Variants in LHPP observed in about 807,000 individuals in gnomAD.
The protein encoded by LHPP is hLHPP.
Under a neutral mutation model 30.3 loss-of-function variants are expected in LHPP, and 24 were observed. The observed-to-expected ratio is 0.79, with a 90% CI of 0.57 to 1.11. The LOEUF (loss-of-function observed/expected upper bound fraction) is 1.11, where lower values mean the gene tolerates loss of function less well. LHPP is among the 50% of genes most tolerant of loss of function. The pLI is 0.00. For missense variants in LHPP, 356 were observed against 367.2 expected (o/e 0.97, Z 0.25); for synonymous variants, 150 against 157.1 (o/e 0.95, Z 0.34).
intron 2 of LHPP, among the ~76,000 whole-genome samples, chr10:124,487,110 C>G (rs1251942044): frequency 6.6e-6 from 1 of 152,244 alleles, no homozygotes; most frequent in African/African-American, 2.4e-5. Context: ...ATTGAGTGAA[C>G]AGACCACAGT....
intron 6 of LHPP, among the ~76,000 whole-genome samples, chr10:124,519,562 A>G (rs941079097): frequency 6.6e-6 from 1 of 152,148 alleles, no homozygotes; most frequent in Non-Finnish European, 1.5e-5. Flanking sequence ...CACTGTACCC[A>G]GTGTGTAGTC....
Position 124,550,102 on chromosome 10 carries a change from C to T in LHPP, c.716+32831C>T, listed in dbSNP as rs547434689. Among the ~76,000 whole-genome samples, 3 of 152,336 alleles carry T rather than the reference C, an allele frequency of 2.0e-5. No homozygotes were observed. In the East Asian group the frequency reaches 5.8e-4, roughly 29 times the overall value. ...GAACTAAGGGCCTCCGAGCCAGGCT[C>T]CTCGTTGCAAATGGACTTCTCTCCT... On this transcript the variant is annotated intron_variant, in intron 6 of 6. Coordinates refer to ENST00000368842, the MANE Select transcript of LHPP (RefSeq NM_022126.4).
chr10:124,530,640 A>G (rs2006831), intron 6 of LHPP, among the ~76,000 whole-genome samples: 151,079 of 152,242 alleles, frequency 0.99, 74,973 homozygotes, highest in Non-Finnish European at 1. Context: ...CAGATGCCGC[A>G]CCACCCCCAT....
At chr10:124,476,713 G>GA (rs1952959134) in intron 1 of LHPP, among the ~76,000 whole-genome samples, 1 of 152,118 alleles carries the variant, frequency 6.6e-6, no homozygotes, top group South Asian at 2.1e-4. Flanking sequence ...TTTTTCTATT[G>GA]AAAAAACAAC....
intron 5 of LHPP, among the ~76,000 whole-genome samples, chr10:124,504,530 G>A (rs1404431325): frequency 6.6e-6 from 1 of 151,232 alleles, no homozygotes; most frequent in East Asian, 1.9e-4. Context: ...GGCCCAGGAG[G>A]TTGAGGTTGC....
chr10:124,595,791 A>G (rs1030916022), intron 6 of LHPP, among the ~76,000 whole-genome samples: 3 of 152,216 alleles, frequency 2.0e-5, no homozygotes, highest in African/African-American at 7.2e-5. Context: ...ACACTTAAAA[A>G]TAAATAAATA....
intron 6 of LHPP, among the ~76,000 whole-genome samples, chr10:124,603,698 C>G (rs1949057106): frequency 6.6e-6 from 1 of 152,238 alleles, no homozygotes; most frequent in Non-Finnish European, 1.5e-5. Flanking sequence ...TGATGTGGCC[C>G]TGGACCCTCC....
At chr10:124,580,566 A>G (rs1948730323) in intron 6 of LHPP, among the ~76,000 whole-genome samples, 1 of 152,168 alleles carries the variant, frequency 6.6e-6, no homozygotes, top group Admixed American at 6.5e-5. Flanking sequence ...TCAGCTTTTC[A>G]TATTTATCAG....
chr10:124,581,065 C>T (rs1382553116), intron 6 of LHPP, among the ~76,000 whole-genome samples: 2 of 152,176 alleles, frequency 1.3e-5, no homozygotes, highest in African/African-American at 4.8e-5. Context: ...CTTTAGTTAC[C>T]TCCTCATCTC....
intron 6 of LHPP, among the ~76,000 whole-genome samples, chr10:124,562,800 T>C (rs1948415958): frequency 1.3e-5 from 2 of 151,998 alleles, no homozygotes; most frequent in African/African-American, 4.8e-5. Flanking sequence ...GGCATGATGG[T>C]GCTCGCCTGT....
chr10:124,502,925 C>T (rs1164702419), intron 5 of LHPP, among the ~76,000 whole-genome samples: 1 of 151,012 alleles, frequency 6.6e-6, no homozygotes, highest in Non-Finnish European at 1.5e-5. Flanking sequence ...GATCTGCCTG[C>T]CTTGGCCTCC....
rs976633842 is a variant in LHPP, at chr10:124,551,268, C to T, written c.716+33997C>T. On this transcript the variant is annotated intron_variant, in intron 6 of 6. Transcript: ENST00000368842. ...GCCCCAGAGAGGCCCGATCCCATCC[C>T]GCTGGGGCACGCCCCAGGTCCAAGC... 2.2e-4 allele frequency among the ~76,000 whole-genome samples: 33 copies of T among 152,276 alleles called. 1 individual carries two copies. Among genetic ancestry groups the T allele is most frequent in the Non-Finnish European group, 2.6e-4 (18 of 67,984 alleles).
intron 6 of LHPP, among the ~76,000 whole-genome samples, chr10:124,527,394 G>A (rs534148581): frequency 3.3e-5 from 5 of 152,358 alleles, no homozygotes; most frequent in African/African-American, 1.2e-4. Context: ...CCATCTTGCA[G>A]CAGTGGTTTT....
Position 124,461,832 on chromosome 10 carries a change from G to GA in LHPP, c.-30dup, listed in dbSNP as rs769489080. On this transcript the variant is annotated 5_prime_UTR_variant, in exon 1 of 7. Transcript: ENST00000368842. ...CGGCGCCGGCGCCGGCGTCGGTTGG[G>GA]ACGCGGAGCTGAGGAGCAGGGCCGG... 1 of 1,228,422 alleles carries GA rather than the reference G, an allele frequency of 8.1e-7. No individual in the cohort carries two copies. Among genetic ancestry groups the GA allele is most frequent in the Non-Finnish European group, 1.0e-6 (1 of 982,624 alleles). 76.1% of individuals were successfully genotyped at this position (1,228,422 alleles called of 1,614,324 possible).
At chr10:124,613,057 T>C (rs1949222294) in intron 6 of LHPP, 4 of 592,576 alleles carry the variant, frequency 6.8e-6, no homozygotes, top group Non-Finnish European at 1.2e-5. Context: ...GGTGTCCAGG[T>C]TGAGGGCACA....
At chr10:124,608,692 A>C (rs7079227) in intron 6 of LHPP, among the ~76,000 whole-genome samples, 52,931 of 138,846 alleles carry the variant, frequency 0.38, 9,416 homozygotes, top group East Asian at 0.48. Flanking sequence ...GCTCAGAGGG[A>C]CCCCCACCCC....
intron 6 of LHPP, among the ~76,000 whole-genome samples, chr10:124,609,524 G>A (rs1428307021): frequency 2.6e-5 from 4 of 152,198 alleles, no homozygotes; most frequent in Non-Finnish European, 4.4e-5. Flanking sequence ...GATGACAGGC[G>A]TGAGCTACCA....
At chr10:124,529,129 T>A (rs1207279854) in intron 6 of LHPP, among the ~76,000 whole-genome samples, 1 of 149,702 alleles carries the variant, frequency 6.7e-6, no homozygotes, top group Non-Finnish European at 1.5e-5. Context: ...CCTCCCGGGT[T>A]CATGCCATTC....
chr10:124,556,794 C>G (rs185662512), intron 6 of LHPP, among the ~76,000 whole-genome samples: 3 of 152,184 alleles, frequency 2.0e-5, no homozygotes, highest in Non-Finnish European at 4.4e-5. Context: ...CTTCCTCAGT[C>G]GCTGATATTT....
Sources: gnomAD v4.1 joint callset for allele counts (sites outside exome capture counted in the v4.1 genomes callset) on GRCh38, gnomAD v4.1.1 for gene constraint, MANE v1.5 for transcripts, NCBI Gene and HGNC (gene_info 2026-07-23, HGNC 2026-07-21) for gene names.